The following PPP2R2C variants were observed in gnomAD, a reference collection of about 807,000 sequenced individuals.
PPP2R2C encodes protein phosphatase 2 regulatory subunit Bgamma.
In PPP2R2C, 10 loss-of-function variants were observed where a neutral mutation model predicts 45.3. That is an observed-to-expected ratio of 0.22 (90% confidence interval 0.14 to 0.37). The LOEUF (loss-of-function observed/expected upper bound fraction) is 0.37. Among genes scored for constraint, PPP2R2C ranks in the 10% least tolerant of loss-of-function variants. PPP2R2C has a pLI of 1.00. For synonymous variants in PPP2R2C, 257 were observed against 245.4 expected, an observed-to-expected ratio of 1.05 and a Z score of -0.44; for missense variants, 308 against 619.7, an observed-to-expected ratio of 0.50 and a Z score of 5.34.
At chr4:6,431,579 C>T (rs558771829) in intron 1 of PPP2R2C, among the ~76,000 whole-genome samples, 15 of 152,332 alleles carry the variant, frequency 9.8e-5, no homozygotes, top group Non-Finnish European at 1.6e-4. Flanking sequence ...GACATGGTTT[C>T]GGTCCAGAGC....
chr4:6,530,188 C>T (rs1022837775), intron 2 of PPP2R2C, among the ~76,000 whole-genome samples: 10 of 152,132 alleles, frequency 6.6e-5, no homozygotes, highest in East Asian at 1.9e-4. Flanking sequence ...GCCGGGGTCC[C>T]GGGTTTGGGG....
chr4:6,527,322 T>C (rs1192370272), intron 2 of PPP2R2C, among the ~76,000 whole-genome samples: 1 of 152,160 alleles, frequency 6.6e-6, no homozygotes, highest in Non-Finnish European at 1.5e-5. Context: ...TCCTTGCCCA[T>C]TTCTGGCTCT....
chr4:6,445,153 C>T (rs769273299), intron 1 of PPP2R2C, among the ~76,000 whole-genome samples: 1 of 152,024 alleles, frequency 6.6e-6, no homozygotes, highest in Admixed American at 6.5e-5. Context: ...CACATCACTG[C>T]ACTCCAGCCT....
chr4:6,420,872 T>A (rs1553897102), intron 1 of PPP2R2C: 1 of 921,142 alleles, frequency 1.1e-6, no homozygotes, highest in Non-Finnish European at 1.3e-6. Flanking sequence ...CACACACTTG[T>A]TGGATGTTAC....
chr4:6,325,428 C>A (rs1190786777), intron 8 of PPP2R2C, among the ~76,000 whole-genome samples: 3 of 152,172 alleles, frequency 2.0e-5, no homozygotes. Context: ...GGGCCCTGCC[C>A]AGGCGCCACA....
intron 4 of PPP2R2C, 127 bp from the exon 5 acceptor site, chr4:6,372,827 G>A (rs909117763): frequency 1.8e-5 from 18 of 975,158 alleles, no homozygotes; most frequent in South Asian, 3.1e-5. Flanking sequence ...CTGATCCTCC[G>A]TGGTCTGAAA....
upstream of PPP2R2C, among the ~76,000 whole-genome samples, chr4:6,472,714 G>T (rs1163030461): frequency 6.6e-6 from 1 of 151,718 alleles, no homozygotes; most frequent in Non-Finnish European, 1.5e-5. Context: ...CGGCGCCCAA[G>T]CCGAGGCTGC....
chr4:6,517,844 G>T (rs1723872807), intron 2 of PPP2R2C, among the ~76,000 whole-genome samples: 1 of 152,138 alleles, frequency 6.6e-6, no homozygotes, highest in Non-Finnish European at 1.5e-5. Flanking sequence ...AACTCTCCAG[G>T]TCCATATTAC....
intron 1 of PPP2R2C, among the ~76,000 whole-genome samples, chr4:6,440,252 A>C (rs1720087882): frequency 6.6e-6 from 1 of 152,252 alleles, no homozygotes; most frequent in Non-Finnish European, 1.5e-5. Flanking sequence ...GCGCAGATGG[A>C]CAGATGAGTA....
chr4:6,437,647 G>A (rs971928456), intron 1 of PPP2R2C, among the ~76,000 whole-genome samples: 10 of 152,274 alleles, frequency 6.6e-5, no homozygotes, highest in Non-Finnish European at 8.8e-5. Context: ...AAAGACTCAC[G>A]AATATGCTCA....
chr4:6,360,456 T>C (rs4234735), intron 5 of PPP2R2C, among the ~76,000 whole-genome samples: 135,424 of 152,118 alleles, frequency 0.89, 61,325 homozygotes, highest in East Asian at 1. Context: ...CCGAGCACAG[T>C]GAGGCTCATC....
intron 1 of PPP2R2C, among the ~76,000 whole-genome samples, chr4:6,402,221 CCACAGGTA>C (rs1029054394): frequency 7.2e-5 from 11 of 152,180 alleles, no homozygotes; most frequent in South Asian, 2.1e-4. Context: ...TAAGTGGTGC[CCACAGGTA>C]CACAGGAAGG....
chr4:6,336,524 T>C (rs4689406), intron 6 of PPP2R2C, among the ~76,000 whole-genome samples: 131,401 of 151,604 alleles, frequency 0.87, 57,260 homozygotes, highest in African/African-American at 0.93. Flanking sequence ...GAGGAGGGGG[T>C]TGCAGCCAGG....
At chr4:6,414,437 A>T (rs12651082) in intron 1 of PPP2R2C, among the ~76,000 whole-genome samples, 41,411 of 151,966 alleles carry the variant, frequency 0.27, 6,033 homozygotes, top group Admixed American at 0.39. Context: ...GAGGGAAGTC[A>T]CGCAGAAAGC....
At chr4:6,356,533 A>G (rs921045821) in intron 5 of PPP2R2C, among the ~76,000 whole-genome samples, 3 of 152,100 alleles carry the variant, frequency 2.0e-5, no homozygotes, top group African/African-American at 7.2e-5. Flanking sequence ...CTTGCTAGCT[A>G]TGTGTCTTTG....
rs185343452 is a variant in PPP2R2C at position 6,554,891 on chromosome 4, G to A, written c.-59+8669C>T. 9.8e-3 allele frequency among the ~76,000 whole-genome samples: 621 copies of A among 63,674 alleles called. 7 individuals are homozygous for A. The highest frequency in any genetic ancestry group is 0.033 in the African/African-American group (594 of 17,968). The allele number at this position is 63,674 out of a possible 152,430, so 41.8% of individuals were successfully genotyped here. A position where few individuals can be genotyped will look rare whatever the true frequency, so the allele number is the denominator to read the frequency against. On this transcript the variant is annotated intron_variant, in intron 1 of 9. Transcript: ENST00000506140. ...AAAAAAAAGAAAAAGAAAAAGAAAG[G>A]AAGGAAGGAAGGAAGGAAGGAAGGA...
At chr4:6,351,577 C>T (rs1223617833) in intron 5 of PPP2R2C, among the ~76,000 whole-genome samples, 8 of 152,198 alleles carry the variant, frequency 5.3e-5, no homozygotes, top group Non-Finnish European at 8.8e-5. Flanking sequence ...ATCTCTCCTG[C>T]TCTTTCTCTC....
intron 5 of PPP2R2C, chr4:6,350,286 C>A: frequency 3.0e-6 from 3 of 985,512 alleles, no homozygotes; most frequent in Non-Finnish European, 3.6e-6. Flanking sequence ...CTTTCCAGGA[C>A]ACGCTGCCCG....
chr4:6,326,736 G>C (rs370911476), intron 8 of PPP2R2C, among the ~76,000 whole-genome samples: 4 of 152,370 alleles, frequency 2.6e-5, no homozygotes. Context: ...ATGTGGACCA[G>C]AGACTGAGAG....
Sources: allele counts gnomAD v4.1 joint callset (sites outside exome capture counted in the v4.1 genomes callset), GRCh38; gene constraint gnomAD v4.1.1; transcripts MANE v1.5; gene names NCBI Gene and HGNC (gene_info 2026-07-23, HGNC 2026-07-21).